Variants in RYR3 observed in about 807,000 individuals in gnomAD.
The protein encoded by RYR3 is ryanodine receptor 3, also known as brain ryanodine receptor-calcium release channel.
Under a neutral mutation model 584.3 loss-of-function variants are expected in RYR3, and 207 were observed. The ratio of observed to expected loss-of-function variants is 0.35; its 90% confidence interval spans 0.32 to 0.40. RYR3 has a LOEUF of 0.40. Ranked by LOEUF, RYR3 falls within the 10% of genes least tolerant of loss-of-function variation. The pLI, the probability that RYR3 is intolerant of heterozygous loss-of-function variation, is 1.00. For missense variants in RYR3, 5,616 were observed against 6,089.2 expected, an observed-to-expected ratio of 0.92 and a Z score of 2.59; for synonymous variants, 2,416 against 2,248.5, an observed-to-expected ratio of 1.07 and a Z score of -2.11.
chr15:33,391,300 C>T (rs1047697452), intron 1 of RYR3, among the ~76,000 whole-genome samples: 1 of 152,124 alleles, frequency 6.6e-6, no homozygotes, highest in Non-Finnish European at 1.5e-5. Context: ...TGAACAAGTG[C>T]AAGATTGCAT....
At position 33,688,880 on chromosome 15, in the gene RYR3, T is replaced by C. The variant is rs530874701; in HGVS notation, c.5861-7338T>C. ...TCCGGCAATCCCATTACTGGGTATA[T>C]ACCCAAAGGATTATAAGTCATGCTA... On this transcript the variant is annotated intron_variant, in intron 38 of 103. Coordinates refer to ENST00000634891, the MANE Select transcript of RYR3 (RefSeq NM_001036.6). 3.9e-4 allele frequency among the ~76,000 whole-genome samples: 60 copies of C among 152,230 alleles called. 2 individuals are homozygous for C. The South Asian group carries it at 0.012, about 31-fold the overall frequency.
At chr15:33,560,623 A>G (rs2152480363) in intron 10 of RYR3, among the ~76,000 whole-genome samples, 1 of 152,320 alleles carries the variant, frequency 6.6e-6, no homozygotes, top group South Asian at 2.1e-4. Context: ...GCACTGCATT[A>G]GCTATGGTTA....
In RYR3 at chr15:33,310,973, C is replaced by A; in HGVS notation, c.-73C>A. 2.6e-6 allele frequency: 3 copies of A among 1,167,224 alleles called. No homozygotes were observed. The highest frequency in any genetic ancestry group is 1.2e-6 in the Non-Finnish European group (1 of 804,626). 72.3% of individuals were successfully genotyped at this position (1,167,224 alleles called of 1,614,324 possible). On this transcript the variant is annotated 5_prime_UTR_variant, in exon 1 of 104. Coordinates refer to ENST00000634891, the MANE Select transcript of RYR3 (RefSeq NM_001036.6). ...GGAGGAGAAAGAGCGCAGCAGCAGT[C>A]AGCGCACGCCGAGCGGCTGCCGGGG...
rs146568446 is a variant in RYR3 at position 33,341,998 on chromosome 15, G to A, written c.51+30902G>A. ...ACCTGAACTGGAATTTAGGGTTAGTGATTCACCTGTCCAGACCAGTGCTTC... is the reference window on the plus strand; with the variant it reads ...ACCTGAACTGGAATTTAGGGTTAGTAATTCACCTGTCCAGACCAGTGCTTC... On this transcript the variant is annotated intron_variant, in intron 1 of 103. Coordinates refer to ENST00000634891, the MANE Select transcript of RYR3 (RefSeq NM_001036.6). 5.1e-3 allele frequency among the ~76,000 whole-genome samples: 778 copies of A among 152,288 alleles called. 6 individuals are homozygous for A. The highest frequency in any genetic ancestry group is 0.018 in the African/African-American group (743 of 41,558).
chr15:33,664,612 T>TAC (rs2063383830), intron 36 of RYR3, among the ~76,000 whole-genome samples: 1 of 141,982 alleles, frequency 7.0e-6, no homozygotes, highest in African/African-American at 2.6e-5. Flanking sequence ...TATATATATA[T>TAC]ATACGTATGT....
intron 2 of RYR3, among the ~76,000 whole-genome samples, chr15:33,478,243 G>A (rs1261370447): frequency 6.6e-6 from 1 of 152,006 alleles, no homozygotes; most frequent in Non-Finnish European, 1.5e-5. Flanking sequence ...ACTGCATTTC[G>A]GCAGAAACCC....
At chr15:33,539,526 C>G in intron 6 of RYR3, 64 bp downstream of exon 6, 1 of 949,966 alleles carries the variant, frequency 1.1e-6, no homozygotes, top group Non-Finnish European at 1.7e-6. Context: ...AATAGATGGC[C>G]ATGAAGAACT....
At chr15:33,364,533 T>C (rs997148514) in intron 1 of RYR3, among the ~76,000 whole-genome samples, 1 of 152,074 alleles carries the variant, frequency 6.6e-6, no homozygotes, top group Non-Finnish European at 1.5e-5. Flanking sequence ...CAGGGAGAAA[T>C]ACAAGATAGA....
intron 16 of RYR3, among the ~76,000 whole-genome samples, chr15:33,586,413 C>T (rs531309068): frequency 4.6e-5 from 7 of 152,196 alleles, no homozygotes; most frequent in Admixed American, 1.3e-4. Context: ...CATGGCCAAC[C>T]GTATGGGACT....
intron 1 of RYR3, among the ~76,000 whole-genome samples, chr15:33,395,933 G>A (rs77417577): frequency 0.016 from 2,365 of 152,288 alleles, 57 homozygotes; most frequent in African/African-American, 0.053. Context: ...TGCCTCTGCA[G>A]ATTCAACCAA....
intron 14 of RYR3, 43 bp downstream of exon 14, chr15:33,581,686 G>A: frequency 6.3e-7 from 1 of 1,576,800 alleles, no homozygotes; most frequent in Non-Finnish European, 8.7e-7. Flanking sequence ...TGATTTCCAT[G>A]GGATTTCCAC....
chr15:33,841,886 G>C lies in RYR3; in HGVS notation c.13060G>C (p.Asp4354His). Residue 4354 changes from aspartate to histidine, a missense_variant, in exon 91 of 104, where the codon GAC (aspartate) becomes CAC (histidine). Physicochemically the swap from Asp to His is moderately conservative, Grantham distance 81. Transcript: ENST00000634891. ...KADMEDGEKE[D>H]KDKEEEQAEY... ...CAGCATGGAAGATGGAGAGAAGGAA[G>C]ACAAAGACAAAGAAGAGGAGCAAGC... 1 of 1,594,630 alleles carries C rather than the reference G, an allele frequency of 6.3e-7. No homozygotes were observed. Among genetic ancestry groups the C allele is most frequent in the African/African-American group, 1.3e-5 (1 of 74,618 alleles).
At position 33,699,200 on chromosome 15, in the gene RYR3, G is replaced by A. The variant is rs117816130; in HGVS notation, c.6250-504G>A. Among the ~76,000 whole-genome samples the A allele has an allele frequency of 7.3e-4, 111 of 151,456 alleles. 2 individuals are homozygous for A. The East Asian group carries it at 0.017, about 24-fold the overall frequency. On this transcript the variant is annotated intron_variant, in intron 40 of 103. Coordinates refer to ENST00000634891, the MANE Select transcript of RYR3 (RefSeq NM_001036.6). ...TTTGATATACTGGTGGGCCTTATGT[G>A]TCTACGATCACCTGTGTCTGTCTGT...
At chr15:33,433,314 A>C (rs1489798717) in intron 1 of RYR3, among the ~76,000 whole-genome samples, 3 of 152,176 alleles carry the variant, frequency 2.0e-5, no homozygotes, top group Non-Finnish European at 2.9e-5. Flanking sequence ...ATTAGTATCA[A>C]ATGTTAGGCA....
intron 1 of RYR3, among the ~76,000 whole-genome samples, chr15:33,339,024 C>T (rs1292098060): frequency 6.6e-6 from 1 of 152,172 alleles, no homozygotes; most frequent in Non-Finnish European, 1.5e-5. Flanking sequence ...AGTCAGAGGG[C>T]TTCCGAAGAC....
At chr15:33,708,504 A>T (rs1679091721) in intron 43 of RYR3, among the ~76,000 whole-genome samples, 1 of 152,132 alleles carries the variant, frequency 6.6e-6, no homozygotes, top group Non-Finnish European at 1.5e-5. Context: ...TAAACTCTAG[A>T]CCAAAAGGTT....
chr15:33,776,629 G>A (rs1292171980), intron 64 of RYR3, among the ~76,000 whole-genome samples: 2 of 152,122 alleles, frequency 1.3e-5, no homozygotes, highest in East Asian at 1.9e-4. Flanking sequence ...GTCTAGACCC[G>A]TGTCCTGCCC....
intron 1 of RYR3, among the ~76,000 whole-genome samples, chr15:33,425,625 T>G (rs1051404121): frequency 1.3e-5 from 2 of 150,560 alleles, no homozygotes; most frequent in Non-Finnish European, 2.9e-5. Flanking sequence ...TTCTACTAGG[T>G]TGAGACTCAC....
At position 33,644,364 on chromosome 15, in the gene RYR3, G is replaced by A; in HGVS notation, c.3610G>A (p.Gly1204Arg). 1 of 1,613,130 alleles carries A rather than the reference G, an allele frequency of 6.2e-7. No individual in the cohort carries two copies. The highest frequency in any genetic ancestry group is 2.2e-5 in the East Asian group (1 of 44,854). Reference protein sequence around the residue: ...GLSQIGRMNLGTDASTFKFYT... With the variant: ...GLSQIGRMNLRTDASTFKFYT... ...ATCTCAGATCGGCCGCATGAATCTC[G>A]GGACAGATGCCAGTACCTTCAAGTT... is the stretch of plus-strand genomic sequence containing the variant. Residue 1204 changes from glycine to arginine, a missense_variant, in exon 28 of 104, where the codon GGG (glycine) becomes AGG (arginine). Gly to Arg is a moderately radical substitution (Grantham distance 125). This residue lies in a region of RYR3 where 152 missense variants were observed against 200.9 expected (regional missense o/e 0.76). Transcript: ENST00000634891.
Sources: allele counts gnomAD v4.1 joint callset (sites outside exome capture counted in the v4.1 genomes callset), GRCh38; gene constraint gnomAD v4.1.1; regional missense constraint gnomAD v4.1.1; transcripts MANE v1.5; gene names NCBI Gene and HGNC (gene_info 2026-07-23, HGNC 2026-07-21).